The following PTPRS variants were observed in gnomAD, a reference collection of about 807,000 sequenced individuals.
PTPRS encodes receptor-type tyrosine-protein phosphatase S.
In PTPRS, 63 loss-of-function variants were observed where a neutral mutation model predicts 215.3. The ratio of observed to expected loss-of-function variants is 0.29; its 90% CI spans 0.24 to 0.36. The LOEUF is 0.36. Among genes scored for constraint, PTPRS ranks in the 10% least tolerant of loss-of-function variants. The pLI is 1.00. For missense variants in PTPRS, 2,258 were observed against 2,825.8 expected, an observed-to-expected ratio of 0.80 and a Z score of 4.56; for synonymous variants, 1,404 against 1,191.4, an observed-to-expected ratio of 1.18 and a Z score of -3.68.
intron 37 of PTPRS, among the ~76,000 whole-genome samples, chr19:5,207,551 T>C (rs534304532): frequency 6.6e-6 from 1 of 152,290 alleles, no homozygotes; most frequent in East Asian, 1.9e-4. Context: ...CAGAACCCCC[T>C]CCACTGGAAC....
At chr19:5,283,277 GTCACCCCAGCAC>G (rs2048027966) in intron 2 of PTPRS, among the ~76,000 whole-genome samples, 1 of 49,646 alleles carries the variant, frequency 2.0e-5, no homozygotes, top group African/African-American at 7.0e-5. Context: ...ACTTTCTCCT[GTCACCCCAGCAC>G]TTTCGCCTGT....
chr19:5,217,626 A>G (rs1568386129), intron 25 of PTPRS, among the ~76,000 whole-genome samples: 1 of 152,230 alleles, frequency 6.6e-6, no homozygotes, highest in Admixed American at 6.5e-5. Flanking sequence ...TGAAATACAA[A>G]TGTTTAAAAT....
At chr19:5,260,663 G>A (rs28450931) in intron 7 of PTPRS, 142 bp downstream of exon 7, 16,580 of 1,121,980 alleles carry the variant, frequency 0.015, 294 homozygotes, top group African/African-American at 0.066. Flanking sequence ...CGCAGAGACC[G>A]GACTAACACT....
At chr19:5,207,610 T>C (rs1408267035) in intron 37 of PTPRS, among the ~76,000 whole-genome samples, 5 of 152,150 alleles carry the variant, frequency 3.3e-5, no homozygotes, top group African/African-American at 7.2e-5. Flanking sequence ...CATCTGTACA[T>C]TGGTTGGACT....
At chr19:5,268,632 G>T (rs979097810) in intron 4 of PTPRS, among the ~76,000 whole-genome samples, 2 of 152,140 alleles carry the variant, frequency 1.3e-5, no homozygotes, top group African/African-American at 4.8e-5. Context: ...CAGCTCGGGG[G>T]TCACTGCTTG....
In PTPRS at chr19:5,273,461, G is replaced by C. The variant is rs143349753; in HGVS notation, c.360C>G (p.Ala120=). The change falls in exon 4 of 38, where the codon GCC becomes GCG. Residue 120 remains alanine (A), a synonymous_variant. Transcript: ENST00000262963. The part of the protein sequence containing the change: ...QNSVGEITVH[A]KLTVLREDQL... ...CAATACCTCGGAGGACAGTAAGCTT[G>C]GCATGGACTGTGATCTCCCCAACCG... 872 of 1,614,184 alleles carry C rather than the reference G, an allele frequency of 5.4e-4. 4 individuals carry two copies. The highest frequency in any genetic ancestry group is 6.7e-4 in the Non-Finnish European group (794 of 1,180,046).
At chr19:5,226,577 CAAAAAAA>C (rs537275736) in intron 16 of PTPRS, among the ~76,000 whole-genome samples, 1 of 106,358 alleles carries the variant, frequency 9.4e-6, no homozygotes, top group Admixed American at 9.7e-5. Flanking sequence ...CTAAAAATAC[CAAAAAAA>C]AAAAAAAAAA....
intron 1 of PTPRS, among the ~76,000 whole-genome samples, chr19:5,286,698 A>T (rs1323530216): frequency 1.3e-5 from 2 of 152,100 alleles, no homozygotes; most frequent in Admixed American, 1.3e-4. Context: ...TGAGGTACCA[A>T]TTTCTGTCAT....
intron 1 of PTPRS, among the ~76,000 whole-genome samples, chr19:5,319,133 C>T (rs983407306): frequency 2.6e-5 from 4 of 152,144 alleles, no homozygotes; most frequent in Non-Finnish European, 4.4e-5. Flanking sequence ...ATCCCAAGGC[C>T]GGGCGCAGTG....
At chr19:5,278,444 G>A (rs1483894905) in intron 2 of PTPRS, among the ~76,000 whole-genome samples, 1 of 151,996 alleles carries the variant, frequency 6.6e-6, no homozygotes, top group African/African-American at 2.4e-5. Context: ...GTCCTCAAGC[G>A]ATCCTCTCAC....
In PTPRS at chr19:5,229,535, G is replaced by A. The variant is rs1437431875; in HGVS notation, c.2305C>T (p.Arg769Cys). The change falls in exon 15 of 38, where the codon CGC (arginine) becomes TGC (cysteine). Residue 769 changes from arginine (R) to cysteine (C), a missense_variant. This residue lies in a region of PTPRS where 371 missense variants were observed against 446.7 expected (regional missense o/e 0.83). Coordinates refer to ENST00000262963, the MANE Select transcript of PTPRS (RefSeq NM_002850.4). ...ACGTCCTTGATGCGCGGCGGCCCGC[G>A]GGCCTCGGCGCCCTCCATGCGCACG... ...HYVRMEGAEA[R>C]GPPRIKDVML... 5 of 1,464,466 alleles carry A rather than the reference G, an allele frequency of 3.4e-6. No homozygotes were observed. Among genetic ancestry groups the A allele is most frequent in the South Asian group, 1.3e-5 (1 of 74,970 alleles). The allele number at this position is 1,464,466 out of a possible 1,614,324, so 90.7% of individuals were successfully genotyped here.
chr19:5,225,912 C>T (rs2042450038), intron 16 of PTPRS, 68 bp from the exon 17 acceptor site: 9 of 1,333,228 alleles, frequency 6.8e-6, no homozygotes, highest in East Asian at 2.3e-5. Context: ...CCCCACTCCC[C>T]GTGCTGAGAA....
At position 5,210,608 on chromosome 19, in the gene PTPRS, G is replaced by T; in HGVS notation, c.5362-14C>A. 3 of 1,614,150 alleles carry T rather than the reference G, an allele frequency of 1.9e-6. No homozygotes were observed. In the South Asian group the frequency reaches 3.3e-5, roughly 18 times the overall value. ...GTGACACTTCTCCTGTGGAGGAGAT[G>T]GCGGCCGTGGTCAGCGCTGTCTGAG... On this transcript the variant is annotated splice_polypyrimidine_tract_variant and intron_variant, in intron 34 of 37. Transcript: ENST00000262963. The surrounding 1 kb of genome is among the most constrained non-coding windows in gnomAD (Gnocchi z 4.5).
rs200677865 is a variant in PTPRS at position 5,223,216 on chromosome 19, G to C, written c.2576C>G (p.Ala859Gly). Residue 859 changes from alanine to glycine, a missense_variant, in exon 18 of 38, where the codon GCG (alanine) becomes GGG (glycine). Coordinates refer to ENST00000262963, the MANE Select transcript of PTPRS (RefSeq NM_002850.4). ...GCGGTAGCCCAGCACCTGGTCCTCC[G>C]CGGTGCCAGCCGGGGGCTCCCAGCG... ...LARWEPPAGT[A>G]EDQVLGYRLQ... is the part of the protein sequence containing the mutation. 3 of 1,508,974 alleles carry C rather than the reference G, an allele frequency of 2.0e-6. No individual in the cohort carries two copies. The highest frequency in any genetic ancestry group is 2.7e-6 in the Non-Finnish European group (3 of 1,128,306). 93.5% of individuals were successfully genotyped at this position (1,508,974 alleles called of 1,614,324 possible). A position where few individuals can be genotyped will look rare whatever the true frequency, so the allele number is the denominator to read the frequency against.
intron 21 of PTPRS, 37 bp from the exon 22 acceptor site, chr19:5,220,191 C>G: frequency 6.2e-7 from 1 of 1,608,698 alleles, no homozygotes; most frequent in South Asian, 1.1e-5. Context: ...CAGAGCTCAG[C>G]TGGGAGCAAC....
chr19:5,316,424 G>A (rs1384509302), intron 1 of PTPRS, among the ~76,000 whole-genome samples: 7 of 151,760 alleles, frequency 4.6e-5, no homozygotes, highest in African/African-American at 9.7e-5. Flanking sequence ...ACGGAGTCTC[G>A]CTCTGTCACC....
chr19:5,305,864 C>T (rs1386705383), intron 1 of PTPRS, among the ~76,000 whole-genome samples: 7 of 127,410 alleles, frequency 5.5e-5, no homozygotes, highest in East Asian at 2.4e-4. Context: ...GGCGTGAACC[C>T]GGAAGGCGGA....
chr19:5,311,584 G>T (rs2049704026), intron 1 of PTPRS, among the ~76,000 whole-genome samples: 1 of 152,142 alleles, frequency 6.6e-6, no homozygotes, highest in Non-Finnish European at 1.5e-5. Context: ...GAGGCTGGGG[G>T]TGGGGATATA....
At chr19:5,217,384 G>T (rs1029191591) in intron 25 of PTPRS, among the ~76,000 whole-genome samples, 1 of 152,064 alleles carries the variant, frequency 6.6e-6, no homozygotes, top group African/African-American at 2.4e-5. Flanking sequence ...AAAGCAACAC[G>T]AATCAGTACA....
Sources: gnomAD v4.1 joint callset for allele counts (sites outside exome capture counted in the v4.1 genomes callset) on GRCh38, gnomAD v4.1.1 for gene constraint, gnomAD v4.1.1 regional missense constraint, Gnocchi (gnomAD v3.1) non-coding constraint, MANE v1.5 for transcripts, NCBI Gene and HGNC (gene_info 2026-07-23, HGNC 2026-07-21) for gene names.